The following FSTL5 variants were observed in gnomAD, a reference collection of about 807,000 sequenced individuals.
FSTL5 encodes the protein follistatin-related protein 5.
In FSTL5, 62 loss-of-function variants were observed where a neutral mutation model predicts 89.1. The ratio of observed to expected loss-of-function variants is 0.70; its 90% confidence interval spans 0.57 to 0.86. The LOEUF (loss-of-function observed/expected upper bound fraction) is 0.86, where lower values mean the gene tolerates loss of function less well. Ranked by LOEUF, FSTL5 falls within the 40% of genes least tolerant of loss-of-function variation. The probability of loss-of-function intolerance (pLI) is 0.00; values close to 1 mark genes in which losing one functional copy is unlikely to be tolerated. For synonymous variants in FSTL5, 383 were observed against 346.2 expected, an observed-to-expected ratio of 1.11 and a Z score of -1.18; for missense variants, 1,057 against 1,001.6, an observed-to-expected ratio of 1.06 and a Z score of -0.75.
intron 8 of FSTL5, among the ~76,000 whole-genome samples, chr4:161,570,574 G>A (rs1732971468): frequency 6.6e-6 from 1 of 152,112 alleles, no homozygotes; most frequent in Non-Finnish European, 1.5e-5. Context: ...GAGGAGGGAT[G>A]TGACTTGACT....
chr4:161,454,515 T>G (rs2126399733), intron 15 of FSTL5, among the ~76,000 whole-genome samples: 1 of 152,210 alleles, frequency 6.6e-6, no homozygotes, highest in East Asian at 1.9e-4. Context: ...TTGTATTTCC[T>G]AATACAATTT....
At chr4:161,498,946 A>G (rs879564252) in intron 12 of FSTL5, among the ~76,000 whole-genome samples, 4 of 152,140 alleles carry the variant, frequency 2.6e-5, no homozygotes, top group Admixed American at 1.3e-4. Context: ...CATGCCTCTA[A>G]TCCCAGAACT....
At chr4:161,654,006 T>C (rs1040835528) in intron 7 of FSTL5, among the ~76,000 whole-genome samples, 3 of 152,178 alleles carry the variant, frequency 2.0e-5, no homozygotes, top group African/African-American at 7.2e-5. Context: ...AAAATGTATC[T>C]GTTCTATAAA....
At chr4:161,819,061 A>C (rs1730415777) in intron 4 of FSTL5, among the ~76,000 whole-genome samples, 1 of 152,170 alleles carries the variant, frequency 6.6e-6, no homozygotes, top group Non-Finnish European at 1.5e-5. Context: ...AGTAGTGCTA[A>C]TTAAACATTC....
intron 3 of FSTL5, among the ~76,000 whole-genome samples, chr4:161,972,990 G>A (rs1344089416): frequency 6.6e-6 from 1 of 152,110 alleles, no homozygotes; most frequent in African/African-American, 2.4e-5. Context: ...TTCCTTGAGT[G>A]GCTTCTCATT....
At chr4:161,399,640 A>G (rs1375581421) in intron 15 of FSTL5, among the ~76,000 whole-genome samples, 1 of 152,048 alleles carries the variant, frequency 6.6e-6, no homozygotes, top group Non-Finnish European at 1.5e-5. Flanking sequence ...AGCGTCTCAT[A>G]ATGTTATTCA....
chr4:161,395,286 G>C (rs1044563815), intron 15 of FSTL5, among the ~76,000 whole-genome samples: 2 of 151,934 alleles, frequency 1.3e-5, no homozygotes, highest in Non-Finnish European at 2.9e-5. Flanking sequence ...AGAATAATTT[G>C]AAATGTCAAG....
intron 15 of FSTL5, among the ~76,000 whole-genome samples, chr4:161,398,559 G>A (rs951104069): frequency 2.6e-5 from 4 of 151,950 alleles, no homozygotes; most frequent in African/African-American, 9.7e-5. Flanking sequence ...GCATTGTTTG[G>A]ATATTGCTTC....
intron 5 of FSTL5, among the ~76,000 whole-genome samples, chr4:161,772,075 CT>C (rs1325080533): frequency 4.0e-5 from 6 of 151,766 alleles, no homozygotes; most frequent in Non-Finnish European, 5.9e-5. Context: ...TTTTTTATGT[CT>C]TTTTTTTCTC....
chr4:161,597,660 A>C (rs1734073133), intron 7 of FSTL5, among the ~76,000 whole-genome samples: 1 of 142,876 alleles, frequency 7.0e-6, no homozygotes. Flanking sequence ...ATAAATAAAT[A>C]CAAAAAAAAA....
At chr4:161,924,784 G>A (rs996134920) in intron 3 of FSTL5, among the ~76,000 whole-genome samples, 3 of 151,732 alleles carry the variant, frequency 2.0e-5, no homozygotes, top group African/African-American at 7.2e-5. Context: ...ATAATAAAGA[G>A]GGAGGGAAGA....
At chr4:161,566,076 ATTG>A (rs1365396459) in intron 8 of FSTL5, among the ~76,000 whole-genome samples, 2 of 92,172 alleles carry the variant, frequency 2.2e-5, no homozygotes, top group Non-Finnish European at 4.3e-5. Context: ...GCCAACATCT[ATTG>A]TTTTTTTCTT....
At chr4:161,397,492 T>C (rs182787110) in intron 15 of FSTL5, among the ~76,000 whole-genome samples, 332 of 151,638 alleles carry the variant, frequency 2.2e-3, no homozygotes, top group African/African-American at 7.7e-3. Context: ...ATCTAGAGTA[T>C]TGAGGTAATT....
chr4:161,890,642 T>G (rs541268614), intron 4 of FSTL5, among the ~76,000 whole-genome samples: 3 of 146,774 alleles, frequency 2.0e-5, no homozygotes, highest in Non-Finnish European at 4.5e-5. Context: ...GAGCCGAGAT[T>G]GCACCATTGC....
At chr4:162,120,915 T>C (rs1731831149) in intron 1 of FSTL5, among the ~76,000 whole-genome samples, 1 of 152,020 alleles carries the variant, frequency 6.6e-6, no homozygotes, top group African/African-American at 2.4e-5. Flanking sequence ...TGAAAGGACA[T>C]CATAGTAACC....
chr4:161,553,961 T>C (rs1162070395), intron 8 of FSTL5, among the ~76,000 whole-genome samples: 3 of 151,556 alleles, frequency 2.0e-5, no homozygotes, highest in African/African-American at 4.8e-5. Flanking sequence ...TGATGGTTCT[T>C]AGAGCATCAA....
At chr4:161,920,193 T>C (rs1324456274) in intron 4 of FSTL5, among the ~76,000 whole-genome samples, 2 of 152,336 alleles carry the variant, frequency 1.3e-5, no homozygotes, top group East Asian at 3.9e-4. Flanking sequence ...TTTTGAGTCA[T>C]ATTTTGGCCA....
intron 5 of FSTL5, among the ~76,000 whole-genome samples, chr4:161,768,671 GT>G (rs1345691802): frequency 6.6e-6 from 1 of 151,756 alleles, no homozygotes; most frequent in African/African-American, 2.4e-5. Context: ...GCAAATGGAT[GT>G]TTTTTTCAGA....
intron 13 of FSTL5, among the ~76,000 whole-genome samples, chr4:161,472,078 G>A (rs1057287373): frequency 3.3e-5 from 5 of 151,006 alleles, no homozygotes; most frequent in Admixed American, 6.6e-5. Flanking sequence ...CCGGGTTCAC[G>A]CCATTCTCCT....
Sources: gnomAD v4.1 joint callset for allele counts (sites outside exome capture counted in the v4.1 genomes callset) on GRCh38, gnomAD v4.1.1 for gene constraint, MANE v1.5 for transcripts, NCBI Gene and HGNC (gene_info 2026-07-23, HGNC 2026-07-21) for gene names.